The following PLCB3 variants were observed in gnomAD, a reference collection of about 807,000 sequenced individuals.
PLCB3 encodes 1-phosphatidylinositol 4,5-bisphosphate phosphodiesterase beta-3.
A neutral mutation model predicts 152.1 loss-of-function variants in PLCB3; 54 were observed. The observed-to-expected ratio is 0.36, with a 90% CI of 0.29 to 0.45. PLCB3 has a LOEUF of 0.45. Ranked by LOEUF, PLCB3 falls within the 20% of genes least tolerant of loss-of-function variation. The probability of loss-of-function intolerance (pLI) is 1.00; values close to 1 mark genes in which losing one functional copy is unlikely to be tolerated. For missense variants in PLCB3, 1,248 were observed against 1,687.5 expected (o/e 0.74, Z 4.56); for synonymous variants, 717 against 698.7 (o/e 1.03, Z -0.41).
At chr11:64,260,898 T>C (rs945711466) in intron 14 of PLCB3, among the ~76,000 whole-genome samples, 2 of 152,198 alleles carry the variant, frequency 1.3e-5, no homozygotes, top group African/African-American at 2.4e-5. Flanking sequence ...ATTTAATTAT[T>C]GTATTGGAGT....
Position 64,267,263 on chromosome 11 carries a change from G to A in PLCB3, c.3493G>A (p.Glu1165Lys). ...GGTCCTGCAACAGCTGGCAGAAGAG[G>A]AGCCCAAGGTGAGGCCATGGGCGAA... is the stretch of plus-strand genomic sequence containing the variant. ...QQVLQQLAEE[E>K]PKLLAQLAQE... The change falls in exon 30 of 31, where the codon GAG becomes AAG. Residue 1165 changes from glutamate (E) to lysine (K), a missense_variant. By Grantham distance (56) the Glu-to-Lys change is moderately conservative (BLOSUM62 1). Coordinates refer to ENST00000279230, the MANE Select transcript of PLCB3 (RefSeq NM_000932.5). This position sits in a 1 kb window ranked among gnomAD's most constrained non-coding sequence, Gnocchi z 5.2. 3 of 1,550,956 alleles carry A rather than the reference G, an allele frequency of 1.9e-6. No homozygotes were observed. Among genetic ancestry groups the A allele is most frequent in the Non-Finnish European group, 2.6e-6 (3 of 1,146,968 alleles).
At position 64,258,686 on chromosome 11, in the gene PLCB3, T is replaced by A; in HGVS notation, c.1226T>A (p.Ile409Asn). The change falls in exon 11 of 31, where the codon ATC becomes AAC. Residue 409 changes from isoleucine to asparagine, a missense_variant. Transcript: ENST00000279230. This position sits in a 1 kb window ranked among gnomAD's most constrained non-coding sequence, Gnocchi z 7.2. The stretch of plus-strand genomic sequence containing the variant: ...TTCAAGACCTCGCCCTACCCCGTCA[T>A]CCTCTCCTTCGAGAACCATGTGGAC... The part of the protein sequence containing the change: ...TAFKTSPYPV[I>N]LSFENHVDSA... The A allele has an allele frequency of 6.2e-7, 1 of 1,613,928 alleles. No individual in the cohort carries two copies. The highest frequency in any genetic ancestry group is 8.5e-7 in the Non-Finnish European group (1 of 1,180,006).
chr11:64,261,311 A>G, intron 14 of PLCB3, 89 bp from the exon 15 acceptor site: 1 of 929,094 alleles, frequency 1.1e-6, no homozygotes, highest in East Asian at 2.4e-5. Context: ...TGCTGGGAAG[A>G]GGGTCAGCAC....
rs993008371 is a variant in PLCB3 at position 64,258,114 on chromosome 11, A to G, written c.1013-359A>G. On this transcript the variant is annotated intron_variant, in intron 10 of 30. Coordinates refer to ENST00000279230, the MANE Select transcript of PLCB3 (RefSeq NM_000932.5). This position sits in a 1 kb window ranked among gnomAD's most constrained non-coding sequence, Gnocchi z 7.2. ...GGTTGCAGTGAACCGAGGTTGTGCC[A>G]CTGCACTCCAGCCTGGGTGACAGAG... is the stretch of plus-strand genomic sequence containing the variant. Among the ~76,000 whole-genome samples the G allele has an allele frequency of 1.3e-5, 2 of 151,360 alleles. No homozygotes were observed. Among genetic ancestry groups the G allele is most frequent in the African/African-American group, 4.9e-5 (2 of 41,154 alleles).
In PLCB3 at chr11:64,258,555, G is replaced by A. The variant is rs1431671605; in HGVS notation, c.1095G>A (p.Val365=). ...LWGCRCVELD[V]WKGRPPEEEP... ...GCTGCCGCTGCGTGGAGCTGGACGTGTGGAAGGGACGGCCGCCTGAGGAGG... is the reference window on the plus strand; with the variant it reads ...GCTGCCGCTGCGTGGAGCTGGACGTATGGAAGGGACGGCCGCCTGAGGAGG... The change falls in exon 11 of 31, where the codon GTG becomes GTA. Residue 365 remains valine (V), a synonymous_variant. Coordinates refer to ENST00000279230, the MANE Select transcript of PLCB3 (RefSeq NM_000932.5). The surrounding 1 kb of genome is among the most constrained non-coding windows in gnomAD (Gnocchi z 7.2). 5.0e-6 allele frequency: 8 copies of A among 1,613,880 alleles called. No individual in the cohort carries two copies. Among genetic ancestry groups the A allele is most frequent in the African/African-American group, 1.3e-5 (1 of 74,948 alleles).
At position 64,256,523 on chromosome 11, in the gene PLCB3, C is replaced by A; in HGVS notation, c.846C>A (p.Asn282Lys). ...TGCTCATCGAAAAGTATGAGCCCAA[C>A]CAGCAGTTTCTGGAGCGAGGTGAGC... ...ARLLIEKYEPNQQFLERDQMS... is the reference protein window; with the variant it reads ...ARLLIEKYEPKQQFLERDQMS... The change falls in exon 9 of 31, where the codon AAC (asparagine) becomes AAA (lysine). Residue 282 changes from asparagine (N) to lysine (K), a missense_variant. Asn to Lys is a moderately conservative substitution (Grantham distance 94). Coordinates refer to ENST00000279230, the MANE Select transcript of PLCB3 (RefSeq NM_000932.5). The A allele has an allele frequency of 1.2e-6, 2 of 1,613,890 alleles. No homozygotes were observed. Among genetic ancestry groups the A allele is most frequent in the East Asian group, 2.2e-5 (1 of 44,874 alleles).
rs5792316 is a variant in PLCB3 at position 64,256,997 on chromosome 11, C to CTTTTTTTTTTTTTTTTTTTTTTTT, written c.1012+234_1012+257dup. ...CTGCAGCAGGAGAGACTTCAGGGTC[C>CTTTTTTTTTTTTTTTTTTTTTTTT]TTTTTTTTTTTTTTTTTTTTTTTTG... On this transcript the variant is annotated intron_variant, in intron 10 of 30. Coordinates refer to ENST00000279230, the MANE Select transcript of PLCB3 (RefSeq NM_000932.5). 5.4e-4 allele frequency among the ~76,000 whole-genome samples: 33 copies of CTTTTTTTTTTTTTTTTTTTTTTTT among 61,590 alleles called. 1 individual carries two copies. The highest frequency in any genetic ancestry group is 2.7e-3 in the Admixed American group (12 of 4,454). 40.4% of individuals were successfully genotyped at this position (61,590 alleles called of 152,430 possible).
Position 64,267,095 on chromosome 11 carries a change from C to T in PLCB3, c.3415-90C>T, listed in dbSNP as rs575928282. On this transcript the variant is annotated intron_variant, in intron 29 of 30. Transcript: ENST00000279230. The surrounding 1 kb of genome is among the most constrained non-coding windows in gnomAD (Gnocchi z 5.2). ...AGATGTGAGCCACTGCACCCGGCCT[C>T]GCCCACCTGACTTCTATACCCAGCC... 192 of 1,183,228 alleles carry T rather than the reference C, an allele frequency of 1.6e-4. 1 individual carries two copies. Among genetic ancestry groups the T allele is most frequent in the Admixed American group, 2.0e-4 (10 of 49,354 alleles). The allele number at this position is 1,183,228 out of a possible 1,614,324, so 73.3% of individuals were successfully genotyped here.
Position 64,258,149 on chromosome 11 carries a change from G to A in PLCB3, c.1013-324G>A, listed in dbSNP as rs1193121498. 3.5e-5 allele frequency among the ~76,000 whole-genome samples: 5 copies of A among 143,620 alleles called. No homozygotes were observed. The highest frequency in any genetic ancestry group is 5.0e-5 in the African/African-American group (2 of 39,752). The allele number at this position is 143,620 out of a possible 152,430, so 94.2% of individuals were successfully genotyped here. A position where few individuals can be genotyped will look rare whatever the true frequency, so the allele number is the denominator to read the frequency against. On this transcript the variant is annotated intron_variant, in intron 10 of 30. Coordinates refer to ENST00000279230, the MANE Select transcript of PLCB3 (RefSeq NM_000932.5). This position sits in a 1 kb window ranked among gnomAD's most constrained non-coding sequence, Gnocchi z 7.2. ...AGCCTGGGTGACAGAGCGAGGTTCCGTCTCAAAAAAAAAAAAAAAAGAGAT... is the reference window on the plus strand; with the variant it reads ...AGCCTGGGTGACAGAGCGAGGTTCCATCTCAAAAAAAAAAAAAAAAGAGAT...
intron 8 of PLCB3, among the ~76,000 whole-genome samples, 186 bp downstream of exon 8, chr11:64,256,007 C>T (rs985192629): frequency 6.6e-6 from 1 of 152,150 alleles, no homozygotes; most frequent in African/African-American, 2.4e-5. Flanking sequence ...TTCTGCCCCT[C>T]AGTTACAGGC....
At chr11:64,264,257 AC>A in intron 22 of PLCB3, 145 bp downstream of exon 22, 1 of 528,182 alleles carries the variant, frequency 1.9e-6, no homozygotes, top group Non-Finnish European at 3.3e-6. Flanking sequence ...GATGAAAACC[AC>A]CCATTTGCAT....
At chr11:64,261,824 AG>A in intron 16 of PLCB3, 127 bp from the exon 17 acceptor site, 1 of 1,476,532 alleles carries the variant, frequency 6.8e-7, no homozygotes, top group Non-Finnish European at 9.4e-7. Context: ...AGGCAGTCTC[AG>A]GGGGCATGGC....
chr11:64,265,611 G>A (rs1565338249), intron 25 of PLCB3, 109 bp downstream of exon 25: 1 of 1,459,030 alleles, frequency 6.9e-7, no homozygotes, highest in Non-Finnish European at 9.1e-7. Context: ...CCCCCAGGGA[G>A]GAGGGTTCAG....
chr11:64,265,338 C>A lies in PLCB3; in HGVS notation c.2871C>A (p.Leu957=), dbSNP rs758059425. 1.3e-6 allele frequency: 2 copies of A among 1,597,308 alleles called. No individual in the cohort carries two copies. The highest frequency in any genetic ancestry group is 1.7e-6 in the Non-Finnish European group (2 of 1,172,504). Residue 957 remains leucine (L), a synonymous_variant, in exon 25 of 31, where the codon CTC becomes CTA. Transcript: ENST00000279230. ...SEVAPTPLDE[L]RGHKALVKLR... ...TGGCCCCCACCCCGCTGGATGAGCT[C>A]CGAGGTCACAAGGCTCTGGTCAAGC...
intron 14 of PLCB3, among the ~76,000 whole-genome samples, 167 bp from the exon 15 acceptor site, chr11:64,261,233 G>C (rs943929263): frequency 1.3e-5 from 2 of 152,164 alleles, no homozygotes; most frequent in Non-Finnish European, 2.9e-5. Context: ...TGAGCTGGGT[G>C]GTGTCCAGGG....
rs2031540390 is a variant in PLCB3 at position 64,256,502 on chromosome 11, C to G, written c.825C>G (p.Leu275=). 1.9e-6 allele frequency: 3 copies of G among 1,613,752 alleles called. No homozygotes were observed. Among genetic ancestry groups the G allele is most frequent in the Non-Finnish European group, 2.5e-6 (3 of 1,180,008 alleles). The change falls in exon 9 of 31, where the codon CTC becomes CTG. Residue 275 remains leucine, a synonymous_variant. Coordinates refer to ENST00000279230, the MANE Select transcript of PLCB3 (RefSeq NM_000932.5). Reference sequence around the variant, plus strand: ...TGCGGCCCTCCCAGGCCCGGCTGCTCATCGAAAAGTATGAGCCCAACCAGC... The same window carrying G: ...TGCGGCCCTCCCAGGCCCGGCTGCTGATCGAAAAGTATGAGCCCAACCAGC... ...PPLRPSQARL[L]IEKYEPNQQF...
downstream of PLCB3, chr11:64,268,472 C>T (rs903836653): frequency 6.6e-6 from 1 of 152,230 alleles, no homozygotes; most frequent in Non-Finnish European, 1.5e-5. Context: ...TCCCCTCATC[C>T]CTGTGAGGGA....
intron 1 of PLCB3, among the ~76,000 whole-genome samples, chr11:64,252,337 C>T (rs1435740288): frequency 6.6e-6 from 1 of 152,112 alleles, no homozygotes; most frequent in Non-Finnish European, 1.5e-5. Context: ...CCAAGTTCCT[C>T]CACCCCTGGG....
chr11:64,254,238 T>C (rs1460878632), intron 1 of PLCB3, among the ~76,000 whole-genome samples, 177 bp from the exon 2 acceptor site: 1 of 152,126 alleles, frequency 6.6e-6, no homozygotes, highest in Admixed American at 6.5e-5. Flanking sequence ...ATGTCACACC[T>C]AGGACCTTGG....
Sources: gnomAD v4.1 joint callset for allele counts (sites outside exome capture counted in the v4.1 genomes callset) on GRCh38, gnomAD v4.1.1 for gene constraint, Gnocchi (gnomAD v3.1) non-coding constraint, MANE v1.5 for transcripts, NCBI Gene and HGNC (gene_info 2026-07-23, HGNC 2026-07-21) for gene names.